The following NRP1 variants were observed in gnomAD, a reference collection of about 807,000 sequenced individuals.
NRP1 encodes neuropilin-1.
A neutral mutation model predicts 106.7 loss-of-function variants in NRP1; 35 were observed. The ratio of observed to expected loss-of-function variants is 0.33; its 90% CI spans 0.25 to 0.43. The LOEUF (loss-of-function observed/expected upper bound fraction) is 0.43. NRP1 is among the 20% of genes least tolerant of loss of function. NRP1 has a pLI of 1.00. For missense variants in NRP1, 1,024 were observed against 1,170.4 expected (o/e 0.87, Z 1.83); for synonymous variants, 437 against 417.9 (o/e 1.05, Z -0.56).
intron 2 of NRP1, among the ~76,000 whole-genome samples, chr10:33,301,017 G>T (rs1246391776): frequency 6.6e-6 from 1 of 152,130 alleles, no homozygotes; most frequent in Non-Finnish European, 1.5e-5. Flanking sequence ...GTTCATACTG[G>T]CTGCACCCCT....
Position 33,180,161 on chromosome 10 carries a change from AG to A in NRP1, c.2686del (p.Leu896TrpfsTer12). The A allele has an allele frequency of 6.2e-7, 1 of 1,614,140 alleles. No individual in the cohort carries two copies. The highest frequency in any genetic ancestry group is 8.5e-7 in the Non-Finnish European group (1 of 1,180,022). On this transcript the variant is annotated frameshift_variant, in exon 17 of 17. Coordinates refer to ENST00000374867, the MANE Select transcript of NRP1 (RefSeq NM_003873.7). LOFTEE classifies it high-confidence loss of function. The stretch of plus-strand genomic sequence containing the variant: ...CACAAGTTCAAAGTTATAGTTCTCC[AG>A]GGCAGACAAGTTTCTTTCTGACATC... ...NGMSERNLSALENYNFELVDG... is the reference protein window; with the variant it reads ...NGMSERNLSAXENYNFELVDG...
chr10:33,259,673 T>C (rs775574243), intron 4 of NRP1, among the ~76,000 whole-genome samples: 1 of 152,122 alleles, frequency 6.6e-6, no homozygotes, highest in Non-Finnish European at 1.5e-5. Flanking sequence ...GAAAGGAATA[T>C]AGTATTTGTG....
At chr10:33,278,358 A>T (rs577314788) in intron 2 of NRP1, among the ~76,000 whole-genome samples, 2 of 152,184 alleles carry the variant, frequency 1.3e-5, no homozygotes, top group South Asian at 4.1e-4. Flanking sequence ...AATTTCAGGG[A>T]TTATCTCCTG....
At position 33,243,888 on chromosome 10, in the gene NRP1, G is replaced by A. The variant is rs185603170; in HGVS notation, c.981+10140C>T. 8.1e-4 allele frequency among the ~76,000 whole-genome samples: 123 copies of A among 152,012 alleles called. 1 individual carries two copies. Among genetic ancestry groups the A allele is most frequent in the African/African-American group, 2.8e-3 (116 of 41,420 alleles). ...TGAATGAGATTAGATGGCTAAGGGA[G>A]GGAGGGAGGGAAGGAGAAGGAGAGT... is the stretch of plus-strand genomic sequence containing the variant. On this transcript the variant is annotated intron_variant, in intron 6 of 16. Transcript: ENST00000374867.
intron 10 of NRP1, among the ~76,000 whole-genome samples, chr10:33,203,518 CTA>C (rs139720591): frequency 3.3e-5 from 5 of 151,834 alleles, no homozygotes; most frequent in Non-Finnish European, 5.9e-5. Flanking sequence ...AACAAAAAAA[CTA>C]AAAAAACAGT....
At chr10:33,213,185 T>C (rs920087668) in intron 9 of NRP1, 2 of 1,403,934 alleles carry the variant, frequency 1.4e-6, no homozygotes, top group Non-Finnish European at 1.9e-6. Context: ...AATGCAATTC[T>C]TTTGCATGTT....
At chr10:33,284,179 T>C (rs970583629) in intron 2 of NRP1, among the ~76,000 whole-genome samples, 5 of 152,248 alleles carry the variant, frequency 3.3e-5, no homozygotes, top group African/African-American at 1.2e-4. Context: ...TGTTGTTCTT[T>C]ACCTTCTTTG....
rs567992765 is a variant in NRP1, at chr10:33,209,688, G to A, written c.1615-1972C>T. On this transcript the variant is annotated intron_variant, in intron 9 of 16. Transcript: ENST00000374867. ...AACGGGGTTTCACCATGTTGGCCAG[G>A]CTGGTCTCAAACTCCTGACCTCAGG... Among the ~76,000 whole-genome samples, 4 of 152,246 alleles carry A rather than the reference G, an allele frequency of 2.6e-5. No individual in the cohort carries two copies. In the South Asian group the frequency reaches 8.3e-4, roughly 32 times the overall value.
chr10:33,324,701 G>C (rs1363391550), intron 2 of NRP1, among the ~76,000 whole-genome samples: 7 of 152,138 alleles, frequency 4.6e-5, no homozygotes, highest in Admixed American at 4.6e-4. Context: ...CAATGGTGCG[G>C]ATCTTGGCTC....
At chr10:33,319,002 CTTTT>C (rs36010472) in intron 2 of NRP1, among the ~76,000 whole-genome samples, 6 of 90,766 alleles carry the variant, frequency 6.6e-5, no homozygotes, top group African/African-American at 1.1e-4. Context: ...TCTTTTCTTT[CTTTT>C]TTTTTTTTTT....
chr10:33,321,276 G>T (rs114428666), intron 2 of NRP1, among the ~76,000 whole-genome samples: 342 of 152,262 alleles, frequency 2.2e-3, no homozygotes, highest in African/African-American at 7.8e-3. Flanking sequence ...GAGCCACCGC[G>T]CCTGGCTAGA....
intron 2 of NRP1, among the ~76,000 whole-genome samples, chr10:33,329,785 T>C (rs1848145367): frequency 6.6e-6 from 1 of 152,184 alleles, no homozygotes; most frequent in Non-Finnish European, 1.5e-5. Context: ...AATGGGATAA[T>C]GTGGACAAGA....
In NRP1 at chr10:33,182,683, G is replaced by T; in HGVS notation, c.2482+15C>A. 1 of 1,602,800 alleles carries T rather than the reference G, an allele frequency of 6.2e-7. No individual in the cohort carries two copies. The highest frequency in any genetic ancestry group is 2.2e-5 in the East Asian group (1 of 44,820). ...AGTAAAATTTTTTAAAAATTGGTCA[G>T]CAAGACAAATTTACCTGTTTCATCA... On this transcript the variant is annotated intron_variant, in intron 16 of 16. Transcript: ENST00000374867.
At position 33,263,675 on chromosome 10, in the gene NRP1, C is replaced by T. The variant is rs757963789; in HGVS notation, c.629G>A (p.Arg210Gln). 1.2e-5 allele frequency: 19 copies of T among 1,613,822 alleles called. No individual in the cohort carries two copies. The highest frequency in any genetic ancestry group is 2.2e-5 in the East Asian group (1 of 44,882). The change falls in exon 4 of 17, where the codon CGG (arginine) becomes CAG (glutamine). Residue 210 changes from arginine to glutamine, a missense_variant. Arg to Gln is a conservative substitution (Grantham distance 43). Coordinates refer to ENST00000374867, the MANE Select transcript of NRP1 (RefSeq NM_003873.7). Reference protein sequence around the residue: ...PPGGMFCRYDRLEIWDGFPDV... With the variant: ...PPGGMFCRYDQLEIWDGFPDV... ...AGGGAATCCATCCCAGATTTCTAGC[C>T]GGTCGTAGCGACAGAACATCCCCCC...
At chr10:33,266,668 T>C (rs1842937901) in intron 3 of NRP1, among the ~76,000 whole-genome samples, 1 of 152,164 alleles carries the variant, frequency 6.6e-6, no homozygotes, top group Non-Finnish European at 1.5e-5. Flanking sequence ...CCCCACCAAA[T>C]CTCATGTCGA....
intron 2 of NRP1, among the ~76,000 whole-genome samples, chr10:33,318,591 G>A (rs761980736): frequency 6.6e-6 from 1 of 151,882 alleles, no homozygotes; most frequent in Non-Finnish European, 1.5e-5. Context: ...GGGAGAAACG[G>A]GAAGAAGAAT....
At chr10:33,318,291 C>A (rs1366935872) in intron 2 of NRP1, among the ~76,000 whole-genome samples, 1 of 152,182 alleles carries the variant, frequency 6.6e-6, no homozygotes, top group Non-Finnish European at 1.5e-5. Context: ...GAGCCATTCA[C>A]ATATCGGGAC....
rs750648742 is a variant in NRP1 at position 33,207,572 on chromosome 10, C to T, written c.1759G>A (p.Ala587Thr). The T allele has an allele frequency of 6.2e-7, 1 of 1,614,024 alleles. No individual in the cohort carries two copies. Among genetic ancestry groups the T allele is most frequent in the Non-Finnish European group, 8.5e-7 (1 of 1,179,958 alleles). Reference protein sequence around the residue: ...RMELLGCEVEAPTAGPTTPNG... With the variant: ...RMELLGCEVETPTAGPTTPNG... ...AAGTAACTCTGGAGATCATAATTAC[C>T]TTCCACTTCACAGCCCAGCAGCTCC... Residue 587 changes from alanine to threonine, a missense_variant and splice_region_variant, in exon 10 of 17, where the codon GCC becomes ACC. This residue lies in a region of NRP1 where 562 missense variants were observed against 620.3 expected (regional missense o/e 0.91). Transcript: ENST00000374867.
chr10:33,229,543 T>C (rs922483073), intron 6 of NRP1, among the ~76,000 whole-genome samples: 5 of 152,214 alleles, frequency 3.3e-5, no homozygotes, highest in African/African-American at 9.6e-5. Flanking sequence ...AATGATTAAA[T>C]TCCCAAGAGT....
Sources: allele counts gnomAD v4.1 joint callset (sites outside exome capture counted in the v4.1 genomes callset), GRCh38; gene constraint gnomAD v4.1.1; regional missense constraint gnomAD v4.1.1; transcripts MANE v1.5; gene names NCBI Gene and HGNC (gene_info 2026-07-23, HGNC 2026-07-21).